ASIC2: variants seen among roughly 807,000 people sequenced by gnomAD.
The protein encoded by ASIC2 is acid-sensing ion channel 2.
In ASIC2, 25 loss-of-function variants were observed where a neutral mutation model predicts 57.3. That is an observed-to-expected ratio of 0.44 (90% CI 0.32 to 0.61). The LOEUF is 0.61. Among genes scored for constraint, ASIC2 ranks in the 20% least tolerant of loss-of-function variants. The pLI, the probability that ASIC2 is intolerant of heterozygous loss-of-function variation, is 0.06. For missense variants in ASIC2, 641 were observed against 738.1 expected, an observed-to-expected ratio of 0.87 and a Z score of 1.52; for synonymous variants, 319 against 307.5, an observed-to-expected ratio of 1.04 and a Z score of -0.39.
chr17:34,110,552 G>C (rs1911233571), intron 1 of ASIC2, among the ~76,000 whole-genome samples: 1 of 152,192 alleles, frequency 6.6e-6, no homozygotes, highest in Non-Finnish European at 1.5e-5. Flanking sequence ...GGGCTGGCTG[G>C]GGAGGGAGGG....
chr17:33,878,396 G>A (rs1287758894), intron 1 of ASIC2, among the ~76,000 whole-genome samples: 1 of 152,140 alleles, frequency 6.6e-6, no homozygotes, highest in Admixed American at 6.5e-5. Context: ...AATAACTAAT[G>A]CAGATAAGTC....
chr17:33,216,138 T>C (rs776594085), intron 1 of ASIC2, among the ~76,000 whole-genome samples: 6 of 152,238 alleles, frequency 3.9e-5, no homozygotes, highest in Admixed American at 6.5e-5. Flanking sequence ...AATCACATGA[T>C]AATTTCAGGA....
At chr17:33,508,195 C>T (rs1410805584) in intron 1 of ASIC2, among the ~76,000 whole-genome samples, 1 of 151,976 alleles carries the variant, frequency 6.6e-6, no homozygotes, top group Non-Finnish European at 1.5e-5. Flanking sequence ...TTGCTCCCTT[C>T]TTCCTTTTCT....
intron 1 of ASIC2, among the ~76,000 whole-genome samples, chr17:33,259,024 G>A (rs1341519516): frequency 2.6e-5 from 4 of 152,158 alleles, no homozygotes; most frequent in Non-Finnish European, 5.9e-5. Context: ...GTGGGGAAGA[G>A]CAGAAAGGAA....
chr17:33,617,738 T>C (rs1905653168), intron 1 of ASIC2, among the ~76,000 whole-genome samples: 1 of 152,214 alleles, frequency 6.6e-6, no homozygotes. Context: ...AAACACAAAA[T>C]AGATAAGTTC....
chr17:33,099,616 A>C (rs1382633949), intron 2 of ASIC2, among the ~76,000 whole-genome samples: 2 of 152,246 alleles, frequency 1.3e-5, no homozygotes, highest in Non-Finnish European at 2.9e-5. Flanking sequence ...AGCATTCTTT[A>C]AATAATGAGT....
At chr17:33,298,975 G>T (rs1366285809) in intron 1 of ASIC2, among the ~76,000 whole-genome samples, 1 of 152,150 alleles carries the variant, frequency 6.6e-6, no homozygotes, top group Non-Finnish European at 1.5e-5. Context: ...CCATGCTCAT[G>T]GATAAGAGGA....
At position 33,252,741 on chromosome 17, in the gene ASIC2, CT is replaced by C. The variant is rs912486390; in HGVS notation, c.708+38666del. Among the ~76,000 whole-genome samples, 170 of 152,238 alleles carry C rather than the reference CT, an allele frequency of 1.1e-3. 1 individual carries two copies. The highest frequency in any genetic ancestry group is 5.3e-4 in the Non-Finnish European group (36 of 68,020). On this transcript the variant is annotated intron_variant, in intron 1 of 9. Transcript: ENST00000225823. ...TGCTGGAGTTCTGCCACTCACCCTTCTCTTACGCCTTTGCCCAGCATCTTTG... is the reference window on the plus strand; with the variant it reads ...TGCTGGAGTTCTGCCACTCACCCTTCCTTACGCCTTTGCCCAGCATCTTTG...
At chr17:33,017,889 G>C (rs373262422) in intron 7 of ASIC2, among the ~76,000 whole-genome samples, 1 of 152,202 alleles carries the variant, frequency 6.6e-6, no homozygotes, top group Non-Finnish European at 1.5e-5. Context: ...CAGTGGGGTC[G>C]GGGACTAAGC....
chr17:33,225,592 G>A (rs548448194), intron 1 of ASIC2, among the ~76,000 whole-genome samples: 1 of 152,272 alleles, frequency 6.6e-6, no homozygotes, highest in East Asian at 1.9e-4. Context: ...GCTCCCAAGG[G>A]GTCGCTGACC....
chr17:33,600,677 A>G (rs1905099280), intron 1 of ASIC2, among the ~76,000 whole-genome samples: 1 of 152,182 alleles, frequency 6.6e-6, no homozygotes, highest in African/African-American at 2.4e-5. Flanking sequence ...TAGGATATAA[A>G]TAACTACCAC....
intron 1 of ASIC2, among the ~76,000 whole-genome samples, chr17:33,662,663 A>ATAAG (rs1567682607): frequency 8.7e-5 from 10 of 115,044 alleles, no homozygotes; most frequent in Middle Eastern, 4.3e-3. Flanking sequence ...AAATAAATAA[A>ATAAG]TAAATAAGTA....
At chr17:33,361,088 C>T (rs1908585693) in intron 1 of ASIC2, among the ~76,000 whole-genome samples, 1 of 152,148 alleles carries the variant, frequency 6.6e-6, no homozygotes, top group African/African-American at 2.4e-5. Flanking sequence ...CCTTTGGGCT[C>T]ACTCGCTATT....
At chr17:33,786,002 C>T (rs1911590285) in intron 1 of ASIC2, among the ~76,000 whole-genome samples, 1 of 152,160 alleles carries the variant, frequency 6.6e-6, no homozygotes, top group Non-Finnish European at 1.5e-5. Context: ...TTCCATTCTC[C>T]CAGTGTGGAA....
intron 1 of ASIC2, among the ~76,000 whole-genome samples, chr17:33,310,286 C>T (rs12103815): frequency 0.053 from 8,135 of 152,074 alleles, 375 homozygotes; most frequent in East Asian, 0.11. Flanking sequence ...CATGCCCCAA[C>T]TCTGCCACTA....
At chr17:33,411,947 G>A (rs1404971552) in intron 1 of ASIC2, among the ~76,000 whole-genome samples, 3 of 152,142 alleles carry the variant, frequency 2.0e-5, no homozygotes, top group Admixed American at 6.5e-5. Flanking sequence ...GTAGCCATCC[G>A]AAAATATTTG....
intron 1 of ASIC2, among the ~76,000 whole-genome samples, chr17:33,597,235 A>T (rs557411373): frequency 1.3e-5 from 2 of 152,356 alleles, no homozygotes; most frequent in South Asian, 4.1e-4. Context: ...ACATCTCATG[A>T]GTCTTTGAGG....
chr17:33,579,341 C>T (rs1232815721), intron 1 of ASIC2, among the ~76,000 whole-genome samples: 3 of 150,276 alleles, frequency 2.0e-5, no homozygotes, highest in Non-Finnish European at 2.9e-5. Context: ...TCAGGGCACA[C>T]TGGAACACGA....
At chr17:33,127,953 G>A (rs1377797466) in intron 1 of ASIC2, among the ~76,000 whole-genome samples, 1 of 152,180 alleles carries the variant, frequency 6.6e-6, no homozygotes, top group Non-Finnish European at 1.5e-5. Flanking sequence ...CTTCTCTCCT[G>A]CACTACATGA....
Sources: gnomAD v4.1 joint callset for allele counts (sites outside exome capture counted in the v4.1 genomes callset) on GRCh38, gnomAD v4.1.1 for gene constraint, MANE v1.5 for transcripts, NCBI Gene and HGNC (gene_info 2026-07-23, HGNC 2026-07-21) for gene names.